The following FDXR variants were observed in gnomAD, a reference collection of about 807,000 sequenced individuals.
The protein encoded by FDXR is ferredoxin reductase.
A neutral mutation model predicts 58.3 loss-of-function variants in FDXR; 38 were observed. The ratio of observed to expected loss-of-function variants is 0.65; its 90% confidence interval spans 0.50 to 0.85. FDXR has a LOEUF of 0.85. FDXR is among the 40% of genes least tolerant of loss of function. The probability of loss-of-function intolerance (pLI) is 0.00; values close to 1 mark genes in which losing one functional copy is unlikely to be tolerated. For missense variants in FDXR, 624 were observed against 671.0 expected (o/e 0.93, Z 0.77); for synonymous variants, 275 against 273.8 (o/e 1.00, Z -0.04).
intron 2 of FDXR, among the ~76,000 whole-genome samples, chr17:74,869,075 C>T (rs1367424616): frequency 6.6e-6 from 1 of 152,162 alleles, no homozygotes. Flanking sequence ...CCCATCCTCC[C>T]AGTCCTCTTC....
intron 2 of FDXR, among the ~76,000 whole-genome samples, chr17:74,870,516 C>CAAAAAAAAAA (rs1168237892): frequency 1.8e-5 from 1 of 55,008 alleles, no homozygotes; most frequent in Non-Finnish European, 3.0e-5. Context: ...GACTCCATCT[C>CAAAAAAAAAA]AAAAAAAAAA....
intron 2 of FDXR, among the ~76,000 whole-genome samples, chr17:74,869,544 G>A (rs1015688774): frequency 1.3e-5 from 2 of 151,988 alleles, no homozygotes; most frequent in African/African-American, 2.4e-5. Flanking sequence ...CTTTGTTCAC[G>A]CAGTTCTCTG....
intron 2 of FDXR, among the ~76,000 whole-genome samples, chr17:74,867,243 G>C (rs534521729): frequency 2.1e-5 from 3 of 142,328 alleles, no homozygotes; most frequent in Non-Finnish European, 4.5e-5. Context: ...GGAGGCAGAG[G>C]TTGCAGTGAG....
rs763376429 is a variant in FDXR, at chr17:74,864,139, G to A, written c.1002+9C>T. 3.1e-6 allele frequency: 5 copies of A among 1,612,804 alleles called. No individual in the cohort carries two copies. The South Asian group carries it at 5.5e-5, about 18-fold the overall frequency. On this transcript the variant is annotated intron_variant, in intron 9 of 11. Transcript: ENST00000293195. ...GGAAGGGGGTGTCTTTGGGAAACAT[G>A]AGACTCACCTCCAGTCTAGTGACTG...
At chr17:74,867,723 G>A (rs2144668404) in intron 2 of FDXR, among the ~76,000 whole-genome samples, 1 of 152,298 alleles carries the variant, frequency 6.6e-6, no homozygotes, top group Admixed American at 6.5e-5. Flanking sequence ...GAGAGGCCGT[G>A]TGAAAGGCAC....
At chr17:74,866,672 T>A in intron 3 of FDXR, 104 bp from the exon 4 acceptor site, 1 of 1,591,602 alleles carries the variant, frequency 6.3e-7, no homozygotes, top group Non-Finnish European at 8.6e-7. Context: ...GGAAGCTGGG[T>A]GGCATGGGCA....
At chr17:74,868,899 C>T (rs2038282946) in intron 2 of FDXR, 1 of 674,228 alleles carries the variant, frequency 1.5e-6, no homozygotes, top group Admixed American at 3.1e-5. Flanking sequence ...ACCTGAGACC[C>T]TTGGATGTCC....
chr17:74,870,500 G>C (rs1252506626), intron 2 of FDXR, among the ~76,000 whole-genome samples: 1 of 119,000 alleles, frequency 8.4e-6, no homozygotes, highest in Non-Finnish European at 1.6e-5. Context: ...CTGGGCGACA[G>C]AGCCAGACTC....
rs748044388 is a variant in FDXR at position 74,864,995 on chromosome 17, G to A, written c.610-64C>T. The A allele has an allele frequency of 1.9e-6, 3 of 1,610,482 alleles. No homozygotes were observed. In the African/African-American group the frequency reaches 4.0e-5, roughly 21 times the overall value. On this transcript the variant is annotated intron_variant, in intron 6 of 11. Transcript: ENST00000293195. Reference sequence around the variant, plus strand: ...ACCGAGGAAAGGGGACTCTCCATTTGGTCATGTCCCCACCGTGGGCCTGGA... The same window carrying A: ...ACCGAGGAAAGGGGACTCTCCATTTAGTCATGTCCCCACCGTGGGCCTGGA...
intron 6 of FDXR, 87 bp downstream of exon 6, chr17:74,865,632 A>T: frequency 1.2e-6 from 1 of 858,268 alleles, no homozygotes. Context: ...CAGCTTGGAG[A>T]GGTAAGGCCT....
intron 2 of FDXR, among the ~76,000 whole-genome samples, chr17:74,871,302 C>CA (rs2038368014): frequency 6.6e-6 from 1 of 152,184 alleles, no homozygotes; most frequent in African/African-American, 2.4e-5. Context: ...GCCAGTTGGT[C>CA]ACCCTACATT....
At chr17:74,867,211 G>A (rs572183363) in intron 2 of FDXR, among the ~76,000 whole-genome samples, 73 of 150,046 alleles carry the variant, frequency 4.9e-4, no homozygotes, top group African/African-American at 1.7e-3. Flanking sequence ...GGAGGCTGAG[G>A]CAGGAGAACC....
chr17:74,864,155 C>T lies in FDXR; in HGVS notation c.995G>A (p.Arg332Lys). 1 of 1,612,778 alleles carries T rather than the reference C, an allele frequency of 6.2e-7. No homozygotes were observed. The highest frequency in any genetic ancestry group is 8.5e-7 in the Non-Finnish European group (1 of 1,179,984). ...RAAGVRLAVT[R>K]LEGVDEATRA... ...GGGAAACATGAGACTCACCTCCAGT[C>T]TAGTGACTGCTAGGCGGACACCTGC... The change falls in exon 9 of 12, where the codon AGA (arginine) becomes AAA (lysine). Residue 332 changes from arginine (R) to lysine (K), a missense_variant. By Grantham distance (26) the Arg-to-Lys change is conservative (BLOSUM62 2). Transcript: ENST00000293195.
intron 2 of FDXR, 102 bp downstream of exon 2, chr17:74,871,934 C>G: frequency 1.2e-6 from 1 of 825,246 alleles, no homozygotes; most frequent in Admixed American, 3.1e-5. Flanking sequence ...GAGCCCCTTC[C>G]CCATAAGGCA....
Position 74,862,931 on chromosome 17 carries a change from A to G in FDXR, c.1362T>C (p.Ser454=), listed in dbSNP as rs781140613. The part of the protein sequence containing the change: ...LLSSRGVRPV[S]FSDWEKLDAE... Reference sequence around the variant, plus strand: ...CATCCAGCTTCTCCCAGTCTGAGAAAGAGACTGGCCGGACCCCTGAAGCAG... The same window carrying G: ...CATCCAGCTTCTCCCAGTCTGAGAAGGAGACTGGCCGGACCCCTGAAGCAG... The change falls in exon 12 of 12, where the codon TCT becomes TCC. Residue 454 remains serine, a synonymous_variant. Transcript: ENST00000293195. 1 of 1,612,414 alleles carries G rather than the reference A, an allele frequency of 6.2e-7. No homozygotes were observed. The highest frequency in any genetic ancestry group is 8.5e-7 in the Non-Finnish European group (1 of 1,179,922).
chr17:74,863,944 T>G lies in FDXR; in HGVS notation c.1126A>C (p.Lys376Gln). 6.2e-7 allele frequency: 1 copy of G among 1,613,948 alleles called. No individual in the cohort carries two copies. The highest frequency in any genetic ancestry group is 8.5e-7 in the Non-Finnish European group (1 of 1,179,998). ...PVDPSVPFDS[K>Q]LGVIPNVEGR... ...TCCACATTGGGGATGACCCCAAGCT[T>G]GGAGTCAAAGGGCACGCTTGGGTCG... is the stretch of plus-strand genomic sequence containing the variant. Residue 376 changes from lysine to glutamine, a missense_variant, in exon 10 of 12, where the codon AAG becomes CAG. Lys to Gln is a moderately conservative substitution (Grantham distance 53). Coordinates refer to ENST00000293195, the MANE Select transcript of FDXR (RefSeq NM_024417.5).
intron 2 of FDXR, among the ~76,000 whole-genome samples, chr17:74,867,509 G>A (rs958148899): frequency 2.8e-4 from 42 of 151,918 alleles, no homozygotes; most frequent in African/African-American, 9.7e-4. Context: ...CAGCCAGTCT[G>A]AGGACCTGAG....
intron 2 of FDXR, among the ~76,000 whole-genome samples, chr17:74,870,797 CTTT>C (rs200476203): frequency 2.3e-5 from 2 of 88,426 alleles, no homozygotes; most frequent in Non-Finnish European, 2.1e-5. Context: ...CACTGTCTCT[CTTT>C]TTTTTTTTTT....
intron 2 of FDXR, among the ~76,000 whole-genome samples, chr17:74,869,169 G>A (rs2038291358): frequency 6.6e-6 from 1 of 152,160 alleles, no homozygotes; most frequent in Non-Finnish European, 1.5e-5. Context: ...GGGGCATCCT[G>A]AAGGAAAACA....
Sources: gnomAD v4.1 joint callset for allele counts (sites outside exome capture counted in the v4.1 genomes callset) on GRCh38, gnomAD v4.1.1 for gene constraint, MANE v1.5 for transcripts, NCBI Gene and HGNC (gene_info 2026-07-23, HGNC 2026-07-21) for gene names.